The following CMIP variants were observed in gnomAD, a reference collection of about 807,000 sequenced individuals.
CMIP encodes C-Maf-inducing protein.
A neutral mutation model predicts 97.3 loss-of-function variants in CMIP; 13 were observed. The ratio of observed to expected loss-of-function variants is 0.13; its 90% CI spans 0.09 to 0.21. CMIP has a LOEUF of 0.21. Ranked by LOEUF, CMIP falls within the 10% of genes least tolerant of loss-of-function variation. The probability of loss-of-function intolerance (pLI) is 1.00; values close to 1 mark genes in which losing one functional copy is unlikely to be tolerated. For missense variants in CMIP, 847 were observed against 1,024.9 expected (o/e 0.83, Z 2.37); for synonymous variants, 538 against 436.3 (o/e 1.23, Z -2.91).
At chr16:81,495,984 A>G (rs2150771574) in intron 1 of CMIP, among the ~76,000 whole-genome samples, 1 of 152,328 alleles carries the variant, frequency 6.6e-6, no homozygotes, top group South Asian at 2.1e-4. Context: ...GAGGCCATGA[A>G]GCTGGCAGGG....
intron 6 of CMIP, among the ~76,000 whole-genome samples, chr16:81,663,409 T>G (rs2092568793): frequency 6.6e-6 from 1 of 151,982 alleles, no homozygotes; most frequent in African/African-American, 2.4e-5. Flanking sequence ...CGATTCCAAC[T>G]ACAGGACATT....
At chr16:81,468,506 C>T (rs1173633644) in intron 1 of CMIP, among the ~76,000 whole-genome samples, 1 of 152,290 alleles carries the variant, frequency 6.6e-6, no homozygotes, top group Non-Finnish European at 1.5e-5. Context: ...CTCGCAGGGG[C>T]CTGCGCGTGC....
chr16:81,554,142 G>T (rs1489101129), intron 1 of CMIP, among the ~76,000 whole-genome samples: 1 of 152,198 alleles, frequency 6.6e-6, no homozygotes, highest in Non-Finnish European at 1.5e-5. Flanking sequence ...AACTCATTGA[G>T]GGCGGATACC....
chr16:81,678,064 T>G (rs1026547326), intron 9 of CMIP, among the ~76,000 whole-genome samples: 1 of 152,188 alleles, frequency 6.6e-6, no homozygotes, highest in Non-Finnish European at 1.5e-5. Flanking sequence ...GCAACCTGGG[T>G]TGGGCTGCCA....
At chr16:81,494,976 T>C (rs2089463799) in intron 1 of CMIP, among the ~76,000 whole-genome samples, 1 of 152,170 alleles carries the variant, frequency 6.6e-6, no homozygotes, top group Non-Finnish European at 1.5e-5. Context: ...TAACTAGCCA[T>C]GGATCATAGA....
At chr16:81,660,760 T>C in intron 5 of CMIP, 124 bp from the exon 6 acceptor site, 1 of 974,332 alleles carries the variant, frequency 1.0e-6, no homozygotes. Context: ...ATATGAATGA[T>C]GTGATGCAGG....
chr16:81,701,828 C>T (rs1167823409), intron 16 of CMIP, 28 bp downstream of exon 16: 1 of 1,612,260 alleles, frequency 6.2e-7, no homozygotes, highest in Non-Finnish European at 8.5e-7. Flanking sequence ...CCGGACCACT[C>T]CCCTGCCCAG....
In CMIP at chr16:81,466,301, T is replaced by A. The variant is rs180733458; in HGVS notation, c.300+20760T>A. ...GTCTTGAACTCCTGCGATCAAGTGA[T>A]CCTCCTGCCTTGGCCTCCCAAAGTG... On this transcript the variant is annotated intron_variant, in intron 1 of 20. Coordinates refer to ENST00000537098, the MANE Select transcript of CMIP (RefSeq NM_198390.3). Among the ~76,000 whole-genome samples, 70 of 152,324 alleles carry A rather than the reference T, an allele frequency of 4.6e-4. No homozygotes were observed. The East Asian group carries it at 0.012, about 26-fold the overall frequency.
chr16:81,510,753 T>G (rs1356293357), intron 1 of CMIP, among the ~76,000 whole-genome samples: 1 of 152,222 alleles, frequency 6.6e-6, no homozygotes, highest in Non-Finnish European at 1.5e-5. Flanking sequence ...AGAGTCTTGT[T>G]CTGTCGCCCA....
At chr16:81,528,472 G>A (rs529120531) in intron 1 of CMIP, among the ~76,000 whole-genome samples, 1 of 152,310 alleles carries the variant, frequency 6.6e-6, no homozygotes, top group Non-Finnish European at 1.5e-5. Flanking sequence ...TATGACCAGA[G>A]GTGGAGCGTG....
chr16:81,466,018 C>T (rs1438337530), intron 1 of CMIP, among the ~76,000 whole-genome samples: 1 of 150,708 alleles, frequency 6.6e-6, no homozygotes, highest in African/African-American at 2.5e-5. Flanking sequence ...TTTCCTTTTT[C>T]TTTTCTTCTC....
intron 1 of CMIP, among the ~76,000 whole-genome samples, chr16:81,560,581 A>G (rs1343038213): frequency 6.6e-6 from 1 of 152,222 alleles, no homozygotes; most frequent in Non-Finnish European, 1.5e-5. Flanking sequence ...AGTCTGCAGT[A>G]GTGTACGGCA....
At chr16:81,559,259 G>A (rs1334365343) in intron 1 of CMIP, among the ~76,000 whole-genome samples, 2 of 152,208 alleles carry the variant, frequency 1.3e-5, no homozygotes, top group Non-Finnish European at 2.9e-5. Context: ...CTTGGGGTAA[G>A]AGTGACCCCC....
intron 17 of CMIP, 87 bp from the exon 18 acceptor site, chr16:81,703,852 G>A (rs1676381257): frequency 6.7e-7 from 1 of 1,484,328 alleles, no homozygotes; most frequent in South Asian, 1.3e-5. Flanking sequence ...TAGGGCGAGG[G>A]GAGAGGAGGA....
chr16:81,560,980 A>G (rs2090871233), intron 1 of CMIP, among the ~76,000 whole-genome samples: 1 of 152,116 alleles, frequency 6.6e-6, no homozygotes, highest in Admixed American at 6.6e-5. Context: ...TTCTTTTTGG[A>G]GACAGTCTCC....
At chr16:81,549,397 G>T (rs938247241) in intron 1 of CMIP, among the ~76,000 whole-genome samples, 1 of 152,202 alleles carries the variant, frequency 6.6e-6, no homozygotes, top group African/African-American at 2.4e-5. Context: ...TCACCCATGA[G>T]GTCAGGAGCC....
At chr16:81,508,990 T>A in intron 1 of CMIP, among the ~76,000 whole-genome samples, 1 of 152,250 alleles carries the variant, frequency 6.6e-6, no homozygotes, top group East Asian at 1.9e-4. Flanking sequence ...AATGAACTCT[T>A]GAATACAATT....
chr16:81,492,273 G>A (rs1459486070), intron 1 of CMIP, among the ~76,000 whole-genome samples: 5 of 152,114 alleles, frequency 3.3e-5, no homozygotes, highest in Non-Finnish European at 5.9e-5. Flanking sequence ...TGTCCTCTCC[G>A]GGTGTCATTG....
At chr16:81,633,827 C>G (rs1049315919) in intron 3 of CMIP, among the ~76,000 whole-genome samples, 1 of 152,210 alleles carries the variant, frequency 6.6e-6, no homozygotes, top group African/African-American at 2.4e-5. Flanking sequence ...AGTACAAGGA[C>G]CTTAGAAAGC....
Sources: gnomAD v4.1 joint callset for allele counts (sites outside exome capture counted in the v4.1 genomes callset) on GRCh38, gnomAD v4.1.1 for gene constraint, MANE v1.5 for transcripts, NCBI Gene and HGNC (gene_info 2026-07-23, HGNC 2026-07-21) for gene names.